The following RFX3 variants were observed in gnomAD, a reference collection of about 807,000 sequenced individuals.
RFX3 encodes regulatory factor X3, also known as transcription factor RFX3.
In RFX3, 14 loss-of-function variants were observed where a neutral mutation model predicts 98.6. The ratio of observed to expected loss-of-function variants is 0.14; its 90% CI spans 0.09 to 0.22. The LOEUF (loss-of-function observed/expected upper bound fraction) is 0.22. RFX3 is among the 10% of genes least tolerant of loss of function. RFX3 has a pLI of 1.00. For synonymous variants in RFX3, 383 were observed against 328.4 expected, an observed-to-expected ratio of 1.17 and a Z score of -1.80; for missense variants, 639 against 926.9, an observed-to-expected ratio of 0.69 and a Z score of 4.03.
chr9:3,507,762 A>G (rs1817245590), intron 1 of RFX3, among the ~76,000 whole-genome samples: 1 of 152,032 alleles, frequency 6.6e-6, no homozygotes, highest in Non-Finnish European at 1.5e-5. Context: ...AGTGCTATAT[A>G]AAGTTGTTAT....
chr9:3,487,627 T>A (rs1309616704), intron 1 of RFX3, among the ~76,000 whole-genome samples: 1 of 152,150 alleles, frequency 6.6e-6, no homozygotes, highest in Non-Finnish European at 1.5e-5. Flanking sequence ...ACTACTCTAA[T>A]TTACAGTCCT....
intron 11 of RFX3, among the ~76,000 whole-genome samples, chr9:3,269,267 T>G (rs111763985): frequency 5.6e-4 from 85 of 152,190 alleles, no homozygotes; most frequent in African/African-American, 1.9e-3. Context: ...GGGAACATAT[T>G]AAAGATCTCA....
chr9:3,335,239 A>C (rs1453025656), intron 3 of RFX3, among the ~76,000 whole-genome samples: 2 of 152,164 alleles, frequency 1.3e-5, no homozygotes, highest in African/African-American at 4.8e-5. Context: ...GTCATGCACA[A>C]GTAACAGGTA....
chr9:3,397,215 T>G (rs944501281), intron 1 of RFX3, among the ~76,000 whole-genome samples: 1 of 152,190 alleles, frequency 6.6e-6, no homozygotes, highest in African/African-American at 2.4e-5. Flanking sequence ...GACATCCCCT[T>G]TTACTACTTA....
chr9:3,461,516 T>A (rs979959735), intron 1 of RFX3, among the ~76,000 whole-genome samples: 4 of 152,050 alleles, frequency 2.6e-5, no homozygotes, highest in Admixed American at 6.6e-5. Flanking sequence ...AACTACTGCA[T>A]GTTCAAGGAA....
intron 4 of RFX3, 63 bp from the exon 5 acceptor site, chr9:3,301,683 G>T: frequency 8.6e-7 from 1 of 1,168,888 alleles, no homozygotes; most frequent in Non-Finnish European, 1.2e-6. Flanking sequence ...GCTGACCAGA[G>T]AATTTCTGAT....
intron 2 of RFX3, among the ~76,000 whole-genome samples, chr9:3,360,539 A>G (rs1209691542): frequency 6.6e-6 from 1 of 152,154 alleles, no homozygotes; most frequent in Non-Finnish European, 1.5e-5. Flanking sequence ...TCCCCCAAAT[A>G]TAAATATATG....
chr9:3,296,210 A>C (rs950666969), intron 5 of RFX3, among the ~76,000 whole-genome samples: 6 of 151,914 alleles, frequency 3.9e-5, no homozygotes, highest in African/African-American at 1.2e-4. Flanking sequence ...GTCCAATGGT[A>C]TATTTACATT....
chr9:3,498,378 C>T (rs1407530305), intron 1 of RFX3, among the ~76,000 whole-genome samples: 1 of 151,930 alleles, frequency 6.6e-6, no homozygotes, highest in East Asian at 1.9e-4. Flanking sequence ...TTAAGTTTAT[C>T]ATAATCATCA....
At chr9:3,411,192 A>G (rs929724279) in intron 1 of RFX3, among the ~76,000 whole-genome samples, 2 of 152,192 alleles carry the variant, frequency 1.3e-5, no homozygotes, top group Non-Finnish European at 2.9e-5. Context: ...GCATATGAAA[A>G]TTATATTCCC....
chr9:3,493,120 CT>C (rs753263433), intron 1 of RFX3, among the ~76,000 whole-genome samples: 5 of 152,108 alleles, frequency 3.3e-5, no homozygotes, highest in Non-Finnish European at 7.4e-5. Context: ...GTTGTAGGCT[CT>C]TTCACACCCT....
At chr9:3,307,038 T>TGGTTTTAAAAACG (rs1416393007) in intron 4 of RFX3, among the ~76,000 whole-genome samples, 3 of 152,112 alleles carry the variant, frequency 2.0e-5, no homozygotes, top group Non-Finnish European at 4.4e-5. Context: ...TGAGATTTCA[T>TGGTTTTAAAAACG]GGTTTTAAAA....
chr9:3,469,009 C>T, intron 1 of RFX3: 1 of 320,730 alleles, frequency 3.1e-6, no homozygotes, highest in Non-Finnish European at 6.2e-6. Context: ...TACCCACTCT[C>T]TAATTAGTGT....
intron 4 of RFX3, among the ~76,000 whole-genome samples, chr9:3,323,394 A>G (rs1000861261): frequency 1.3e-5 from 2 of 152,170 alleles, no homozygotes; most frequent in Non-Finnish European, 2.9e-5. Flanking sequence ...GTAGCAATGC[A>G]TTTCATATTT....
At chr9:3,404,715 A>G (rs548938126) in intron 1 of RFX3, among the ~76,000 whole-genome samples, 4 of 152,290 alleles carry the variant, frequency 2.6e-5, no homozygotes, top group South Asian at 2.1e-4. Context: ...AATATTTTAG[A>G]TAAGTGTGAA....
chr9:3,405,981 G>T (rs1020433190), intron 1 of RFX3, among the ~76,000 whole-genome samples: 19 of 151,974 alleles, frequency 1.3e-4, no homozygotes, highest in Non-Finnish European at 2.5e-4. Flanking sequence ...TTGAGACAAG[G>T]TCTCACTCTG....
At chr9:3,341,257 G>T (rs1349639061) in intron 3 of RFX3, among the ~76,000 whole-genome samples, 2 of 151,946 alleles carry the variant, frequency 1.3e-5, no homozygotes, top group African/African-American at 4.8e-5. Context: ...ACTGTTGTGG[G>T]GTTGGGGGAT....
intron 2 of RFX3, among the ~76,000 whole-genome samples, chr9:3,347,356 A>C (rs773196716): frequency 6.6e-6 from 1 of 152,010 alleles, no homozygotes; most frequent in Non-Finnish European, 1.5e-5. Context: ...TTGGTGACTT[A>C]TGAAATTCTA....
chr9:3,469,530 C>T (rs974026901), intron 1 of RFX3, among the ~76,000 whole-genome samples: 3 of 152,088 alleles, frequency 2.0e-5, no homozygotes, highest in Admixed American at 6.6e-5. Flanking sequence ...TGATTGTGAA[C>T]ATAAATTTGT....
Sources: allele counts gnomAD v4.1 joint callset (sites outside exome capture counted in the v4.1 genomes callset), GRCh38; gene constraint gnomAD v4.1.1; transcripts MANE v1.5; gene names NCBI Gene and HGNC (gene_info 2026-07-23, HGNC 2026-07-21).